SYNDIG1: variants seen among roughly 807,000 people sequenced by gnomAD.
SYNDIG1 encodes the protein synapse differentiation inducing 1, also known as synapse differentiation-inducing gene protein 1.
SYNDIG1 carries 9 observed loss-of-function variants against 19.4 expected under a neutral mutation model. That is an observed-to-expected ratio of 0.46 (90% CI 0.28 to 0.81). The LOEUF is 0.81. SYNDIG1 is among the 30% of genes least tolerant of loss of function. The pLI is 0.12. For synonymous variants in SYNDIG1, 141 were observed against 145.9 expected (o/e 0.97, Z 0.24); for missense variants, 311 against 343.3 (o/e 0.91, Z 0.74).
chr20:24,609,781 TATCTC>T (rs2058818025), intron 3 of SYNDIG1, among the ~76,000 whole-genome samples: 1 of 152,132 alleles, frequency 6.6e-6, no homozygotes, highest in East Asian at 1.9e-4. Context: ...TTAACATTCA[TATCTC>T]AGCTCACTGT....
chr20:24,585,032 G>A (rs1749721773), intron 3 of SYNDIG1, 39 bp downstream of exon 3: 1 of 1,511,282 alleles, frequency 6.6e-7, no homozygotes, highest in Non-Finnish European at 8.9e-7. Flanking sequence ...GTGTGCAGGT[G>A]TTCACAGGGT....
intron 3 of SYNDIG1, among the ~76,000 whole-genome samples, chr20:24,611,283 G>A (rs561544870): frequency 1.5e-4 from 23 of 152,164 alleles, no homozygotes; most frequent in African/African-American, 5.3e-4. Context: ...TTTTGGAACC[G>A]TTAGACTATT....
intron 3 of SYNDIG1, among the ~76,000 whole-genome samples, chr20:24,606,718 G>A (rs1261429712): frequency 6.6e-6 from 1 of 152,190 alleles, no homozygotes; most frequent in Non-Finnish European, 1.5e-5. Flanking sequence ...CGCAGCACAA[G>A]TGCCCATCCC....
At chr20:24,644,916 A>G (rs2059409726) in intron 3 of SYNDIG1, among the ~76,000 whole-genome samples, 1 of 152,230 alleles carries the variant, frequency 6.6e-6, no homozygotes. Flanking sequence ...TAGTACTTTC[A>G]AAGACCCCAT....
At chr20:24,470,458 T>TGCAGCCCTGGGAGCC (rs200859333) in intron 1 of SYNDIG1, among the ~76,000 whole-genome samples, 3,782 of 152,274 alleles carry the variant, frequency 0.025, 169 homozygotes, top group African/African-American at 0.086. Context: ...CGCGACAGCC[T>TGCAGCCCTGGGAGCC]GCAGCCCTGG....
intron 1 of SYNDIG1, among the ~76,000 whole-genome samples, chr20:24,533,075 C>G (rs750706501): frequency 1.3e-5 from 2 of 152,072 alleles, no homozygotes; most frequent in Non-Finnish European, 2.9e-5. Context: ...TAGATTACTC[C>G]GCCTTCTGAG....
chr20:24,611,742 T>C (rs911636820), intron 3 of SYNDIG1, among the ~76,000 whole-genome samples: 3 of 152,192 alleles, frequency 2.0e-5, no homozygotes, highest in Non-Finnish European at 4.4e-5. Context: ...GGCCCTTCCT[T>C]ATGCAGCATG....
chr20:24,567,119 A>T (rs1317665647), intron 2 of SYNDIG1, among the ~76,000 whole-genome samples: 1 of 152,102 alleles, frequency 6.6e-6, no homozygotes, highest in African/African-American at 2.4e-5. Flanking sequence ...CAGCCATGAA[A>T]ATTCAGGCTT....
chr20:24,512,366 G>A (rs1348265412), intron 1 of SYNDIG1, among the ~76,000 whole-genome samples: 2 of 151,614 alleles, frequency 1.3e-5, no homozygotes, highest in African/African-American at 4.8e-5. Flanking sequence ...GAAGCACAGG[G>A]GGTCAGGGAA....
At chr20:24,572,338 G>A (rs566202357) in intron 2 of SYNDIG1, among the ~76,000 whole-genome samples, 1 of 152,372 alleles carries the variant, frequency 6.6e-6, no homozygotes, top group African/African-American at 2.4e-5. Context: ...CAGGGGGCCA[G>A]CCAGGAGAGC....
chr20:24,590,268 T>TG (rs1170343904), intron 3 of SYNDIG1, among the ~76,000 whole-genome samples: 1 of 94,150 alleles, frequency 1.1e-5, no homozygotes, highest in Non-Finnish European at 2.3e-5. Flanking sequence ...GTGGGGCAGG[T>TG]GGGGCCGGCG....
At chr20:24,600,231 G>A (rs1367547220) in intron 3 of SYNDIG1, among the ~76,000 whole-genome samples, 1 of 152,230 alleles carries the variant, frequency 6.6e-6, no homozygotes, top group Non-Finnish European at 1.5e-5. Context: ...TAGGCAATGG[G>A]TGGTTTTTCT....
At chr20:24,481,314 G>A (rs2055790315) in intron 1 of SYNDIG1, among the ~76,000 whole-genome samples, 1 of 152,162 alleles carries the variant, frequency 6.6e-6, no homozygotes, top group South Asian at 2.1e-4. Flanking sequence ...CATGGCTCCT[G>A]GGGCCTCAGC....
At chr20:24,528,160 G>T (rs1390872313) in intron 1 of SYNDIG1, among the ~76,000 whole-genome samples, 5 of 152,192 alleles carry the variant, frequency 3.3e-5, no homozygotes, top group East Asian at 1.9e-4. Context: ...AGAGCATCTA[G>T]TCAATTCTAA....
At chr20:24,502,089 C>T (rs1159650619) in intron 1 of SYNDIG1, 1 of 152,386 alleles carries the variant, frequency 6.6e-6, no homozygotes, top group East Asian at 1.9e-4. Flanking sequence ...CCTAGACGTT[C>T]CCACAGGGCT....
At chr20:24,617,964 C>G (rs1214845663) in intron 3 of SYNDIG1, among the ~76,000 whole-genome samples, 1 of 60,730 alleles carries the variant, frequency 1.6e-5, no homozygotes, top group Non-Finnish European at 3.4e-5. Flanking sequence ...GGGGAGACCC[C>G]GGGTGGGGGC....
At chr20:24,540,660 G>A (rs564104606) in intron 1 of SYNDIG1, among the ~76,000 whole-genome samples, 10 of 152,184 alleles carry the variant, frequency 6.6e-5, no homozygotes, top group East Asian at 3.9e-4. Flanking sequence ...AGATAATTAC[G>A]TATTTTTTGT....
intron 1 of SYNDIG1, among the ~76,000 whole-genome samples, chr20:24,517,314 AAT>A (rs1319231882): frequency 3.0e-4 from 45 of 150,442 alleles, no homozygotes; most frequent in African/African-American, 9.9e-4. Flanking sequence ...AAAAAAAATA[AAT>A]AAATAAATAT....
chr20:24,621,942 A>G (rs1035098244), intron 3 of SYNDIG1, among the ~76,000 whole-genome samples: 1 of 152,244 alleles, frequency 6.6e-6, no homozygotes, highest in Non-Finnish European at 1.5e-5. Context: ...TCTCACTTGA[A>G]AGTCTTATTT....
Sources: gnomAD v4.1 joint callset for allele counts (sites outside exome capture counted in the v4.1 genomes callset) on GRCh38, gnomAD v4.1.1 for gene constraint, MANE v1.5 for transcripts, NCBI Gene and HGNC (gene_info 2026-07-23, HGNC 2026-07-21) for gene names.